The following ACOXL variants were observed in gnomAD, a reference collection of about 807,000 sequenced individuals.
ACOXL encodes acyl-coenzyme A oxidase-like protein.
In ACOXL, 70 loss-of-function variants were observed where a neutral mutation model predicts 71.9. The ratio of observed to expected loss-of-function variants is 0.97; its 90% CI spans 0.80 to 1.19. The LOEUF is 1.19. ACOXL is among the 50% of genes most tolerant of loss of function. The pLI, the probability that ACOXL is intolerant of heterozygous loss-of-function variation, is 0.00. For missense variants in ACOXL, 703 were observed against 736.3 expected, an observed-to-expected ratio of 0.95 and a Z score of 0.52; for synonymous variants, 253 against 281.6, an observed-to-expected ratio of 0.90 and a Z score of 1.02.
intron 11 of ACOXL, among the ~76,000 whole-genome samples, chr2:110,910,883 A>G (rs2059628830): frequency 6.6e-6 from 1 of 152,122 alleles, no homozygotes; most frequent in Non-Finnish European, 1.5e-5. Flanking sequence ...GTCAGTGTGG[A>G]TTTTGCCTTT....
chr2:110,892,587 A>AT (rs1698047444), intron 10 of ACOXL, among the ~76,000 whole-genome samples: 2 of 152,046 alleles, frequency 1.3e-5, no homozygotes, highest in South Asian at 2.1e-4. Context: ...CCACCCCAGG[A>AT]TTTTTTTTCT....
At chr2:110,989,934 G>A (rs2063103440) in intron 13 of ACOXL, among the ~76,000 whole-genome samples, 1 of 152,140 alleles carries the variant, frequency 6.6e-6, no homozygotes, top group South Asian at 2.1e-4. Context: ...TAGCTACTTG[G>A]GAGGCTGAGG....
At chr2:111,076,280 G>A (rs2067596676) in intron 16 of ACOXL, among the ~76,000 whole-genome samples, 1 of 152,038 alleles carries the variant, frequency 6.6e-6, no homozygotes, top group Non-Finnish European at 1.5e-5. Flanking sequence ...AAAGCATTGT[G>A]TGTGCATTCA....
chr2:111,036,594 T>C (rs892323386), intron 15 of ACOXL, among the ~76,000 whole-genome samples: 2 of 152,184 alleles, frequency 1.3e-5, no homozygotes, highest in African/African-American at 4.8e-5. Context: ...CCTAGGCCTA[T>C]GAGCAGTGCC....
Position 111,118,196 on chromosome 2 carries a change from T to G in ACOXL, c.*380T>G. 6.9e-6 allele frequency: 2 copies of G among 290,780 alleles called. No individual in the cohort carries two copies. The highest frequency in any genetic ancestry group is 6.4e-6 in the Non-Finnish European group (1 of 157,114). 18.0% of individuals were successfully genotyped at this position (290,780 alleles called of 1,614,324 possible). A position where few individuals can be genotyped will look rare whatever the true frequency, so the allele number is the denominator to read the frequency against. ...GCGGTGACTCACATTCCCAGTGATT[T>G]AGAAAAACTGTGGTGCCGAGTGAAA... On this transcript the variant is annotated 3_prime_UTR_variant, in exon 18 of 18. Transcript: ENST00000439055.
chr2:111,093,614 C>CAT, intron 17 of ACOXL: 1 of 1,472,386 alleles, frequency 6.8e-7, no homozygotes, highest in Non-Finnish European at 9.4e-7. Context: ...CCTGTAATCC[C>CAT]AGCACTATGG....
At chr2:110,762,520 G>A (rs1680538369) in intron 1 of ACOXL, among the ~76,000 whole-genome samples, 1 of 151,594 alleles carries the variant, frequency 6.6e-6, no homozygotes, top group Non-Finnish European at 1.5e-5. Context: ...TTTTCTTAGT[G>A]GTTGCTTGAG....
intron 12 of ACOXL, among the ~76,000 whole-genome samples, chr2:110,943,155 A>G (rs2060946872): frequency 9.2e-6 from 1 of 108,200 alleles, no homozygotes. Context: ...AGAAAGAGAA[A>G]GAAAAAGAAA....
intron 9 of ACOXL, among the ~76,000 whole-genome samples, chr2:110,838,103 C>T (rs1690675166): frequency 6.6e-6 from 1 of 152,138 alleles, no homozygotes; most frequent in African/African-American, 2.4e-5. Context: ...GTGTATGCAC[C>T]TATATATGAG....
intron 10 of ACOXL, among the ~76,000 whole-genome samples, chr2:110,865,554 A>T (rs1694488913): frequency 6.6e-6 from 1 of 152,210 alleles, no homozygotes; most frequent in Non-Finnish European, 1.5e-5. Context: ...AGAAAGGAGC[A>T]TTTGTGATAT....
intron 15 of ACOXL, among the ~76,000 whole-genome samples, chr2:111,043,812 A>G (rs1284272567): frequency 6.6e-6 from 1 of 152,156 alleles, no homozygotes; most frequent in Admixed American, 6.5e-5. Flanking sequence ...GTCAGCCCCC[A>G]TATTTCTGCC....
chr2:111,058,652 A>G lies in ACOXL; in HGVS notation c.1440+9364A>G, dbSNP rs1240760365. Among the ~76,000 whole-genome samples the G allele has an allele frequency of 2.6e-5, 4 of 152,332 alleles. No individual in the cohort carries two copies. The East Asian group carries it at 7.7e-4, about 29-fold the overall frequency. On this transcript the variant is annotated intron_variant, in intron 16 of 17. Transcript: ENST00000439055. ...TCACAATGTTCAAAAGTCTATTGGA[A>G]AAAAAGAAACCCACAAAGCACCATA... is the stretch of plus-strand genomic sequence containing the variant.
At chr2:110,798,957 G>A in intron 6 of ACOXL, 57 bp from the exon 7 acceptor site, 1 of 1,537,182 alleles carries the variant, frequency 6.5e-7, no homozygotes, top group Non-Finnish European at 9.0e-7. Flanking sequence ...ACTATTCCAG[G>A]ACATGAGTAA....
At chr2:110,806,027 G>T (rs1268134839) in intron 9 of ACOXL, among the ~76,000 whole-genome samples, 1 of 152,226 alleles carries the variant, frequency 6.6e-6, no homozygotes, top group African/African-American at 2.4e-5. Flanking sequence ...ACTGAGCTTG[G>T]TGAAGCTAGA....
At chr2:110,806,313 C>T (rs930759157) in intron 9 of ACOXL, among the ~76,000 whole-genome samples, 1 of 152,216 alleles carries the variant, frequency 6.6e-6, no homozygotes. Flanking sequence ...GCCCGTGCAC[C>T]CCAGTTCCTG....
chr2:110,989,706 A>G (rs2063090859), intron 13 of ACOXL, among the ~76,000 whole-genome samples: 1 of 152,224 alleles, frequency 6.6e-6, no homozygotes, highest in South Asian at 2.1e-4. Context: ...ATGGTTGTAC[A>G]ACAGGGTGAA....
At chr2:110,824,448 C>G (rs1688949256) in intron 9 of ACOXL, among the ~76,000 whole-genome samples, 1 of 152,184 alleles carries the variant, frequency 6.6e-6, no homozygotes, top group South Asian at 2.1e-4. Context: ...CCTTAACAAC[C>G]TCGAATCCTC....
At chr2:110,927,988 A>T (rs569355037) in intron 11 of ACOXL, among the ~76,000 whole-genome samples, 2 of 152,208 alleles carry the variant, frequency 1.3e-5, no homozygotes, top group African/African-American at 4.8e-5. Flanking sequence ...TAACAATTTT[A>T]AAAAATCAAT....
intron 1 of ACOXL, among the ~76,000 whole-genome samples, chr2:110,741,310 G>A (rs1677505414): frequency 6.6e-6 from 1 of 152,132 alleles, no homozygotes; most frequent in Non-Finnish European, 1.5e-5. Context: ...AGTGGGTGTC[G>A]GCAGGGTTGG....
Sources: allele counts gnomAD v4.1 joint callset (sites outside exome capture counted in the v4.1 genomes callset), GRCh38; gene constraint gnomAD v4.1.1; transcripts MANE v1.5; gene names NCBI Gene and HGNC (gene_info 2026-07-23, HGNC 2026-07-21).